Variants in PRKN observed in about 807,000 individuals in gnomAD.
PRKN encodes E3 ubiquitin-protein ligase parkin.
In PRKN, 56 loss-of-function variants were observed where a neutral mutation model predicts 59.5. That is an observed-to-expected ratio of 0.94 (90% CI 0.76 to 1.18). PRKN has a LOEUF of 1.18. Among genes scored for constraint, PRKN ranks in the 50% most tolerant of loss-of-function variants. The probability of loss-of-function intolerance (pLI) is 0.00; values close to 1 mark genes in which losing one functional copy is unlikely to be tolerated. For missense variants in PRKN, 657 were observed against 596.4 expected (o/e 1.10, Z -1.06); for synonymous variants, 250 against 222.1 (o/e 1.13, Z -1.12).
At chr6:162,194,904 G>A (rs894671923) in intron 4 of PRKN, among the ~76,000 whole-genome samples, 1 of 152,102 alleles carries the variant, frequency 6.6e-6, no homozygotes, top group African/African-American at 2.4e-5. Flanking sequence ...GAGAACACAA[G>A]CAAAGAGAGT....
chr6:162,533,099 T>A (rs1778578582), intron 1 of PRKN, among the ~76,000 whole-genome samples: 1 of 152,216 alleles, frequency 6.6e-6, no homozygotes, highest in Non-Finnish European at 1.5e-5. Context: ...CAAATTCTTG[T>A]ATCTGCTTAG....
chr6:162,142,952 T>A (rs1307962850), intron 4 of PRKN, among the ~76,000 whole-genome samples: 2 of 152,202 alleles, frequency 1.3e-5, no homozygotes, highest in African/African-American at 2.4e-5. Flanking sequence ...TAATTAGCCT[T>A]TGGACTTTTT....
chr6:161,368,770 TC>T (rs1477263864), intron 10 of PRKN, among the ~76,000 whole-genome samples: 2 of 151,908 alleles, frequency 1.3e-5, no homozygotes, highest in Non-Finnish European at 2.9e-5. Context: ...GGTTCTCCCT[TC>T]CCCAACCTGC....
At chr6:162,080,673 G>T (rs937225841) in intron 4 of PRKN, among the ~76,000 whole-genome samples, 4 of 152,028 alleles carry the variant, frequency 2.6e-5, no homozygotes, top group Non-Finnish European at 4.4e-5. Context: ...GTCTTGCGTC[G>T]ATGCTGATGG....
At chr6:161,680,769 A>ATTTTT (rs1281842827) in intron 7 of PRKN, among the ~76,000 whole-genome samples, 3 of 13,042 alleles carry the variant, frequency 2.3e-4, no homozygotes, top group African/African-American at 4.0e-4. Context: ...ATATATATAT[A>ATTTTT]TATATATTTT....
chr6:161,380,739 G>A (rs1785938312), intron 10 of PRKN, among the ~76,000 whole-genome samples: 1 of 152,106 alleles, frequency 6.6e-6, no homozygotes, highest in Non-Finnish European at 1.5e-5. Flanking sequence ...ACTTATAGAT[G>A]TGTTTAAGAT....
chr6:162,511,355 C>T (rs997231455), intron 1 of PRKN, among the ~76,000 whole-genome samples: 25 of 151,804 alleles, frequency 1.6e-4, no homozygotes, highest in Non-Finnish European at 8.8e-5. Flanking sequence ...GTACATGTAC[C>T]ATATTGCCTT....
chr6:161,473,377 T>A lies in PRKN; in HGVS notation c.1083+75477A>T, dbSNP rs574624817. ...ATTTATTTATATACATATATATATA[T>A]AAAATGGAATATTATCAAGCCTTAA... On this transcript the variant is annotated intron_variant, in intron 9 of 11. Coordinates refer to ENST00000366898, the MANE Select transcript of PRKN (RefSeq NM_004562.3). This position sits in a 1 kb window ranked among gnomAD's most constrained non-coding sequence, Gnocchi z 4.1. Among the ~76,000 whole-genome samples, 5 of 147,756 alleles carry A rather than the reference T, an allele frequency of 3.4e-5. No individual in the cohort carries two copies. Among genetic ancestry groups the A allele is most frequent in the Non-Finnish European group, 6.0e-5 (4 of 66,486 alleles).
intron 4 of PRKN, among the ~76,000 whole-genome samples, chr6:162,161,834 T>C (rs1312760593): frequency 6.6e-6 from 1 of 152,204 alleles, no homozygotes; most frequent in East Asian, 1.9e-4. Flanking sequence ...AGAGACCACA[T>C]TAACATAACT....
At chr6:162,592,518 A>C (rs1562416668) in intron 1 of PRKN, among the ~76,000 whole-genome samples, 1 of 152,130 alleles carries the variant, frequency 6.6e-6, no homozygotes, top group Non-Finnish European at 1.5e-5. Flanking sequence ...TCAGTATTGG[A>C]ACTGCTCATC....
chr6:162,147,234 T>C (rs1173961826), intron 4 of PRKN, among the ~76,000 whole-genome samples: 1 of 149,840 alleles, frequency 6.7e-6, no homozygotes, highest in Non-Finnish European at 1.5e-5. Flanking sequence ...TCCCAACTAC[T>C]AGGGAGGCTA....
intron 1 of PRKN, among the ~76,000 whole-genome samples, chr6:162,691,414 T>G (rs2128235131): frequency 6.6e-6 from 1 of 152,252 alleles, no homozygotes; most frequent in South Asian, 2.1e-4. Flanking sequence ...AAATGCCAAC[T>G]TTTTGCATAA....
intron 1 of PRKN, among the ~76,000 whole-genome samples, chr6:162,717,044 C>G (rs566199430): frequency 6.6e-6 from 1 of 152,122 alleles, no homozygotes; most frequent in Non-Finnish European, 1.5e-5. Context: ...GATCTGGAGA[C>G]GAAGAGGCTA....
At chr6:161,775,936 T>G (rs1017725249) in intron 7 of PRKN, among the ~76,000 whole-genome samples, 3 of 151,986 alleles carry the variant, frequency 2.0e-5, no homozygotes, top group African/African-American at 7.2e-5. Context: ...CTAAGTTAGG[T>G]GAAAACTAGA....
In PRKN at chr6:162,490,110, T is replaced by A. The variant is rs374467660; in HGVS notation, c.8-46637A>T. On this transcript the variant is annotated intron_variant, in intron 1 of 11. Coordinates refer to ENST00000366898, the MANE Select transcript of PRKN (RefSeq NM_004562.3). Reference sequence around the variant, plus strand: ...CTCCCTGCAGAGTCCTTGGAAGCGATGTGACAGGTTTTCATAAAGAGGGAA... The same window carrying A: ...CTCCCTGCAGAGTCCTTGGAAGCGAAGTGACAGGTTTTCATAAAGAGGGAA... Among the ~76,000 whole-genome samples the A allele has an allele frequency of 9.9e-5, 15 of 152,248 alleles. 1 individual carries two copies. In the East Asian group the frequency reaches 1.4e-3, roughly 14 times the overall value.
chr6:161,523,070 T>A (rs755683537), intron 9 of PRKN, among the ~76,000 whole-genome samples: 9 of 151,722 alleles, frequency 5.9e-5, no homozygotes, highest in Non-Finnish European at 1.0e-4. Context: ...TCTTGCTTTT[T>A]AAAAAAAAAC....
intron 2 of PRKN, among the ~76,000 whole-genome samples, chr6:162,313,505 GA>G (rs1782617220): frequency 1.3e-5 from 2 of 150,892 alleles, no homozygotes; most frequent in African/African-American, 4.9e-5. Flanking sequence ...TTATTTTTTT[GA>G]AATGTAGTTT....
intron 2 of PRKN, among the ~76,000 whole-genome samples, chr6:162,326,439 C>T (rs1382612184): frequency 6.6e-6 from 1 of 152,118 alleles, no homozygotes; most frequent in African/African-American, 2.4e-5. Flanking sequence ...TTTTAAACCT[C>T]TTTAATATTT....
At chr6:162,389,629 A>C (rs1323451918) in intron 2 of PRKN, among the ~76,000 whole-genome samples, 1 of 152,214 alleles carries the variant, frequency 6.6e-6, no homozygotes, top group Non-Finnish European at 1.5e-5. Flanking sequence ...ACTTGGCAAA[A>C]GCATGTTAAT....
Sources: gnomAD v4.1 joint callset for allele counts (sites outside exome capture counted in the v4.1 genomes callset) on GRCh38, gnomAD v4.1.1 for gene constraint, Gnocchi (gnomAD v3.1) non-coding constraint, MANE v1.5 for transcripts, NCBI Gene and HGNC (gene_info 2026-07-23, HGNC 2026-07-21) for gene names.